The following ROBO2 variants were observed in gnomAD, a reference collection of about 807,000 sequenced individuals.
ROBO2 encodes the protein roundabout homolog 2.
Under a neutral mutation model 160.8 loss-of-function variants are expected in ROBO2, and 53 were observed. The ratio of observed to expected loss-of-function variants is 0.33; its 90% CI spans 0.26 to 0.41. The LOEUF (loss-of-function observed/expected upper bound fraction) is 0.41. ROBO2 is among the 10% of genes least tolerant of loss of function. The probability of loss-of-function intolerance (pLI) is 1.00; values close to 1 mark genes in which losing one functional copy is unlikely to be tolerated. For missense variants in ROBO2, 1,577 were observed against 1,722.4 expected, an observed-to-expected ratio of 0.92 and a Z score of 1.49; for synonymous variants, 664 against 611.7, an observed-to-expected ratio of 1.09 and a Z score of -1.26.
chr3:76,536,988 C>G (rs1271028495), intron 2 of ROBO2, among the ~76,000 whole-genome samples: 1 of 151,958 alleles, frequency 6.6e-6, no homozygotes, highest in African/African-American at 2.4e-5. Context: ...GTAAGCCAGA[C>G]TGAGCGTGAG....
At chr3:76,905,385 T>G (rs553052029) in intron 2 of ROBO2, among the ~76,000 whole-genome samples, 2 of 152,266 alleles carry the variant, frequency 1.3e-5, no homozygotes, top group African/African-American at 4.8e-5. Context: ...GAGACTCGTG[T>G]AGAGTTAAAG....
intron 2 of ROBO2, among the ~76,000 whole-genome samples, chr3:76,086,837 T>C (rs756238301): frequency 4.0e-5 from 6 of 151,832 alleles, no homozygotes; most frequent in Non-Finnish European, 7.4e-5. Flanking sequence ...TGTAAACAGA[T>C]GAAAATTATA....
intron 2 of ROBO2, among the ~76,000 whole-genome samples, chr3:76,875,763 T>C (rs1454406036): frequency 6.6e-6 from 1 of 152,162 alleles, no homozygotes; most frequent in Non-Finnish European, 1.5e-5. Context: ...CAAGCAATTC[T>C]CCGCCTCCAC....
chr3:76,781,688 A>G (rs929588291), intron 2 of ROBO2, among the ~76,000 whole-genome samples: 2 of 150,864 alleles, frequency 1.3e-5, no homozygotes, highest in South Asian at 4.1e-4. Context: ...GGTATATAAC[A>G]TTTACTGATT....
chr3:76,611,417 A>G (rs1316696636), intron 2 of ROBO2, among the ~76,000 whole-genome samples: 1 of 152,118 alleles, frequency 6.6e-6, no homozygotes, highest in Non-Finnish European at 1.5e-5. Flanking sequence ...TCTTTGCCGG[A>G]AGGCTTTTTA....
At chr3:76,743,709 A>T (rs1013224200) in intron 2 of ROBO2, among the ~76,000 whole-genome samples, 2 of 152,028 alleles carry the variant, frequency 1.3e-5, no homozygotes, top group Non-Finnish European at 2.9e-5. Flanking sequence ...ATTCCTTTTC[A>T]TTCTTCCTTT....
At chr3:76,022,220 C>T (rs1203110719) in intron 2 of ROBO2, among the ~76,000 whole-genome samples, 1 of 151,732 alleles carries the variant, frequency 6.6e-6, no homozygotes, top group East Asian at 1.9e-4. Context: ...GCTGTTTCCA[C>T]CACATCTGCA....
chr3:77,368,016 G>A (rs2071177375), intron 2 of ROBO2, among the ~76,000 whole-genome samples: 1 of 152,100 alleles, frequency 6.6e-6, no homozygotes, highest in Non-Finnish European at 1.5e-5. Flanking sequence ...TATAAATAGT[G>A]GAGTGTTTCT....
At chr3:76,059,016 A>C in intron 2 of ROBO2, among the ~76,000 whole-genome samples, 1 of 150,496 alleles carries the variant, frequency 6.6e-6, no homozygotes, top group Non-Finnish European at 1.5e-5. Flanking sequence ...TCCATGGTGT[A>C]TATGTGCCAC....
chr3:76,054,383 A>G (rs2107832782), intron 2 of ROBO2, among the ~76,000 whole-genome samples: 1 of 152,308 alleles, frequency 6.6e-6, no homozygotes, highest in South Asian at 2.1e-4. Context: ...CTTGAGGAAT[A>G]AACTTCTAAA....
intron 2 of ROBO2, among the ~76,000 whole-genome samples, chr3:75,942,020 C>T (rs1404806371): frequency 1.9e-4 from 29 of 152,106 alleles, no homozygotes; most frequent in Non-Finnish European, 3.7e-4. Context: ...TTTCCCAGTG[C>T]ATTTCAAAGT....
At chr3:76,663,790 G>A (rs1429866552) in intron 2 of ROBO2, among the ~76,000 whole-genome samples, 1 of 152,138 alleles carries the variant, frequency 6.6e-6, no homozygotes, top group Non-Finnish European at 1.5e-5. Context: ...TCTAATCCCA[G>A]CTACTCGGGA....
At chr3:76,818,487 C>CT (rs911286238) in intron 2 of ROBO2, among the ~76,000 whole-genome samples, 4 of 151,842 alleles carry the variant, frequency 2.6e-5, no homozygotes, top group African/African-American at 9.7e-5. Flanking sequence ...TGTGCAGAAG[C>CT]TTTTTAGTTT....
chr3:76,617,236 G>T (rs2088659587), intron 2 of ROBO2, among the ~76,000 whole-genome samples: 1 of 151,654 alleles, frequency 6.6e-6, no homozygotes, highest in Admixed American at 6.6e-5. Context: ...TTCTTTAAAT[G>T]TGCAGGGTTT....
intron 2 of ROBO2, among the ~76,000 whole-genome samples, chr3:76,580,719 G>A (rs1256934426): frequency 2.0e-5 from 3 of 152,050 alleles, no homozygotes; most frequent in Admixed American, 1.3e-4. Context: ...CCTAGGTCCA[G>A]TTTGAAAAAC....
chr3:76,810,252 A>G (rs577411814), intron 2 of ROBO2, among the ~76,000 whole-genome samples: 8 of 152,240 alleles, frequency 5.3e-5, no homozygotes, highest in East Asian at 1.9e-4. Context: ...CAAGGCAGTC[A>G]ACGTCCTAAG....
chr3:77,500,284 C>T (rs1214425938), intron 5 of ROBO2, among the ~76,000 whole-genome samples: 1 of 152,148 alleles, frequency 6.6e-6, no homozygotes, highest in African/African-American at 2.4e-5. Flanking sequence ...CATAATATTA[C>T]TCCTACTTGA....
chr3:76,313,268 G>C (rs1020849589), intron 2 of ROBO2, among the ~76,000 whole-genome samples: 6 of 152,192 alleles, frequency 3.9e-5, no homozygotes, highest in African/African-American at 7.2e-5. Context: ...GAGTTCCTGC[G>C]ATGTAGCCTC....
intron 2 of ROBO2, among the ~76,000 whole-genome samples, chr3:77,377,553 G>A (rs565325144): frequency 4.6e-5 from 7 of 152,058 alleles, no homozygotes; most frequent in Admixed American, 6.6e-5. Context: ...AGTTTTGTTC[G>A]TTGTGTTTCA....
Sources: allele counts gnomAD v4.1 joint callset (sites outside exome capture counted in the v4.1 genomes callset), GRCh38; gene constraint gnomAD v4.1.1; transcripts MANE v1.5; gene names NCBI Gene and HGNC (gene_info 2026-07-23, HGNC 2026-07-21).